Variants in STK32C observed in about 807,000 individuals in gnomAD.
The protein encoded by STK32C is serine/threonine-protein kinase 32C.
In STK32C, 31 loss-of-function variants were observed where a neutral mutation model predicts 56.5. The ratio of observed to expected loss-of-function variants is 0.55; its 90% CI spans 0.41 to 0.74. The LOEUF is 0.74. Ranked by LOEUF, STK32C falls within the 30% of genes least tolerant of loss-of-function variation. STK32C has a pLI of 0.00. For missense variants in STK32C, 544 were observed against 676.9 expected, an observed-to-expected ratio of 0.80 and a Z score of 2.18; for synonymous variants, 309 against 289.4, an observed-to-expected ratio of 1.07 and a Z score of -0.69.
At chr10:132,248,436 C>T (rs374235359) in intron 1 of STK32C, among the ~76,000 whole-genome samples, 1 of 152,362 alleles carries the variant, frequency 6.6e-6, no homozygotes, top group East Asian at 1.9e-4. Flanking sequence ...CCGCCTACAG[C>T]TTGGGGAGAT....
rs760850697 is a variant in STK32C at position 132,249,135 on chromosome 10, A to AGGGCGTGCAGGGGGCG, written c.263-3196_263-3181dup. On this transcript the variant is annotated intron_variant, in intron 1 of 11. Coordinates refer to ENST00000298630, the MANE Select transcript of STK32C (RefSeq NM_173575.4). ...CGTGCCGGGGCGGGGCTGTGGCGTC[A>AGGGCGTGCAGGGGGCG]GGGCGTGCAGGGGGCGGGGCGTGCA... 437 of 262,368 alleles carry AGGGCGTGCAGGGGGCG rather than the reference A, an allele frequency of 1.7e-3. 1 individual carries two copies. The highest frequency in any genetic ancestry group is 7.0e-3 in the African/African-American group (209 of 29,718). 16.3% of individuals were successfully genotyped at this position (262,368 alleles called of 1,614,324 possible). A position where few individuals can be genotyped will look rare whatever the true frequency, so the allele number is the denominator to read the frequency against.
Position 132,251,954 on chromosome 10 carries a change from A to G in STK32C, c.263-5999T>C, listed in dbSNP as rs375438607. 4.7e-3 allele frequency among the ~76,000 whole-genome samples: 483 copies of G among 101,826 alleles called. 1 individual carries two copies. The highest frequency in any genetic ancestry group is 7.0e-3 in the Middle Eastern group (1 of 142). The allele number at this position is 101,826 out of a possible 152,430, so 66.8% of individuals were successfully genotyped here. A position where few individuals can be genotyped will look rare whatever the true frequency, so the allele number is the denominator to read the frequency against. Reference sequence around the variant, plus strand: ...CTCCACTACCCACCACAGGCAGGTCAATGCCCTACGCCTCCTGGGGCCTCA... The same window carrying G: ...CTCCACTACCCACCACAGGCAGGTCGATGCCCTACGCCTCCTGGGGCCTCA... On this transcript the variant is annotated intron_variant, in intron 1 of 11. Transcript: ENST00000298630.
At chr10:132,328,945 A>T (rs1284800813) in intron 1 of STK32C, among the ~76,000 whole-genome samples, 1 of 152,228 alleles carries the variant, frequency 6.6e-6, no homozygotes, top group Admixed American at 6.5e-5. Context: ...AGAGCATGAC[A>T]CACAGTGAAT....
intron 1 of STK32C, among the ~76,000 whole-genome samples, chr10:132,318,267 CA>C (rs200913300): frequency 6.9e-6 from 1 of 144,508 alleles, no homozygotes. Flanking sequence ...GACTATGTCT[CA>C]AAAAAAAAGA....
upstream of STK32C, among the ~76,000 whole-genome samples, chr10:132,309,898 A>C (rs2066187809): frequency 6.6e-6 from 1 of 152,206 alleles, no homozygotes; most frequent in Admixed American, 6.5e-5. Flanking sequence ...CCTAAGAGGG[A>C]ACAGGAGAAG....
chr10:132,324,705 A>G (rs1295361270), intron 1 of STK32C, among the ~76,000 whole-genome samples: 2 of 152,226 alleles, frequency 1.3e-5, no homozygotes, highest in Non-Finnish European at 2.9e-5. Context: ...TTTATTTCTG[A>G]GCTAAATATG....
At chr10:132,260,101 A>G (rs1185463596) in intron 1 of STK32C, among the ~76,000 whole-genome samples, 2 of 151,888 alleles carry the variant, frequency 1.3e-5, no homozygotes, top group Non-Finnish European at 2.9e-5. Flanking sequence ...AACCCTGATG[A>G]TGTTGAGAGA....
intron 11 of STK32C, among the ~76,000 whole-genome samples, chr10:132,208,679 C>A (rs1364518085): frequency 6.6e-6 from 1 of 152,186 alleles, no homozygotes; most frequent in Non-Finnish European, 1.5e-5. Context: ...CTTTCTGTCC[C>A]CTGGGGCCTG....
intron 1 of STK32C, among the ~76,000 whole-genome samples, chr10:132,256,619 G>A (rs917150048): frequency 5.3e-5 from 8 of 152,116 alleles, no homozygotes; most frequent in African/African-American, 1.9e-4. Context: ...TCCCCAAACC[G>A]CTGGAGAGGT....
At chr10:132,288,770 T>G (rs1379362210) in intron 1 of STK32C, among the ~76,000 whole-genome samples, 3 of 152,224 alleles carry the variant, frequency 2.0e-5, no homozygotes, top group Non-Finnish European at 4.4e-5. Context: ...ACTTGTATAC[T>G]GAAAATGGCA....
chr10:132,288,522 A>G (rs1361537308), intron 1 of STK32C, among the ~76,000 whole-genome samples: 1 of 152,226 alleles, frequency 6.6e-6, no homozygotes, highest in East Asian at 1.9e-4. Flanking sequence ...TGACAGACAT[A>G]TTCTACATCT....
At chr10:132,288,129 T>C (rs111573476) in intron 1 of STK32C, among the ~76,000 whole-genome samples, 3,386 of 152,140 alleles carry the variant, frequency 0.022, 123 homozygotes, top group African/African-American at 0.076. Flanking sequence ...CAAATAGTGC[T>C]GGACCATAAA....
chr10:132,322,204 C>T (rs1279671017), downstream of STK32C, among the ~76,000 whole-genome samples: 1 of 152,172 alleles, frequency 6.6e-6, no homozygotes, highest in Admixed American at 6.5e-5. Context: ...CCATTTATTT[C>T]TCCTCTACTG....
upstream of STK32C, chr10:132,307,991 C>G (rs1399188026): frequency 2.1e-5 from 4 of 189,850 alleles, no homozygotes; most frequent in Non-Finnish European, 2.5e-5. This position sits in a 1 kb window ranked among gnomAD's most constrained non-coding sequence, Gnocchi z 4.4. Context: ...GCGCTGGGGG[C>G]GGGGCAGGGG....
intron 1 of STK32C, among the ~76,000 whole-genome samples, chr10:132,278,646 AGCT>A (rs2065059810): frequency 6.6e-6 from 1 of 151,800 alleles, no homozygotes; most frequent in African/African-American, 2.4e-5. Flanking sequence ...CTGTACTCCC[AGCT>A]GCTCAGGAGG....
At chr10:132,229,184 G>A (rs996197477) in intron 2 of STK32C, among the ~76,000 whole-genome samples, 1 of 152,238 alleles carries the variant, frequency 6.6e-6, no homozygotes, top group South Asian at 2.1e-4. Context: ...CTCAGGTTGG[G>A]AGAGACCTTC....
chr10:132,253,584 G>C (rs1329385277), intron 1 of STK32C, among the ~76,000 whole-genome samples: 2 of 146,722 alleles, frequency 1.4e-5, no homozygotes, highest in African/African-American at 2.5e-5. Flanking sequence ...GGAGGGAGCT[G>C]GAGGGAGCCG....
At chr10:132,328,188 CAG>C (rs1347723697) in intron 1 of STK32C, among the ~76,000 whole-genome samples, 1 of 152,082 alleles carries the variant, frequency 6.6e-6, no homozygotes, top group African/African-American at 2.4e-5. Context: ...ATTCTGGGAT[CAG>C]AGTTTTTAAA....
intron 1 of STK32C, among the ~76,000 whole-genome samples, chr10:132,326,778 G>A (rs1352722722): frequency 2.0e-5 from 3 of 152,290 alleles, no homozygotes; most frequent in African/African-American, 4.8e-5. Flanking sequence ...ACTAGGAGGT[G>A]CACTCAGTCC....
Sources: allele counts gnomAD v4.1 joint callset (sites outside exome capture counted in the v4.1 genomes callset), GRCh38; gene constraint gnomAD v4.1.1; non-coding constraint Gnocchi (gnomAD v3.1); transcripts MANE v1.5; gene names NCBI Gene and HGNC (gene_info 2026-07-23, HGNC 2026-07-21).